Variants in PCDH15 observed in about 807,000 individuals in gnomAD.
PCDH15 encodes protocadherin-15.
PCDH15 carries 129 observed loss-of-function variants against 178.5 expected under a neutral mutation model. The observed-to-expected ratio is 0.72, with a 90% CI of 0.63 to 0.84. The LOEUF is 0.84. Among genes scored for constraint, PCDH15 ranks in the 40% least tolerant of loss-of-function variants. The pLI is 0.00. For synonymous variants in PCDH15, 800 were observed against 732.0 expected (o/e 1.09, Z -1.50); for missense variants, 2,230 against 2,099.9 (o/e 1.06, Z -1.21).
At chr10:55,157,050 G>A (rs1838908741) in intron 2 of PCDH15, among the ~76,000 whole-genome samples, 1 of 152,082 alleles carries the variant, frequency 6.6e-6, no homozygotes, top group African/African-American at 2.4e-5. Context: ...TATTCTGTGT[G>A]ACAATTTTAG....
At chr10:54,104,845 CAAAAA>C (rs56195842) in intron 15 of PCDH15, among the ~76,000 whole-genome samples, 1 of 48,634 alleles carries the variant, frequency 2.1e-5, no homozygotes, top group Admixed American at 2.6e-4. Context: ...TCAACAACAA[CAAAAA>C]AAAAAAAAAA....
At chr10:54,916,346 T>C (rs1274317781) in intron 2 of PCDH15, among the ~76,000 whole-genome samples, 3 of 152,172 alleles carry the variant, frequency 2.0e-5, no homozygotes, top group Non-Finnish European at 2.9e-5. Flanking sequence ...TTTGACACTA[T>C]CAGCTTTCTC....
At chr10:54,391,904 C>G (rs1950586589) in intron 3 of PCDH15, among the ~76,000 whole-genome samples, 1 of 152,096 alleles carries the variant, frequency 6.6e-6, no homozygotes, top group Non-Finnish European at 1.5e-5. Context: ...TCTCAATCAA[C>G]AATGGGATAT....
chr10:55,261,649 G>T (rs1842147279), intron 1 of PCDH15, among the ~76,000 whole-genome samples: 1 of 152,000 alleles, frequency 6.6e-6, no homozygotes, highest in Non-Finnish European at 1.5e-5. Flanking sequence ...TTGATCTCCC[G>T]AGAATCATTC....
At chr10:54,630,781 C>T (rs1054544795) in intron 2 of PCDH15, among the ~76,000 whole-genome samples, 1 of 151,962 alleles carries the variant, frequency 6.6e-6, no homozygotes, top group East Asian at 1.9e-4. Flanking sequence ...ATATCCGGAG[C>T]CTCTAAGGAA....
chr10:55,290,774 A>G (rs1172239751), intron 1 of PCDH15, among the ~76,000 whole-genome samples: 1 of 152,140 alleles, frequency 6.6e-6, no homozygotes, highest in Non-Finnish European at 1.5e-5. Context: ...AGAATTAGCC[A>G]TGGAAATGAA....
chr10:55,499,473 C>G (rs904098767), intron 2 of PCDH15, among the ~76,000 whole-genome samples: 2 of 150,356 alleles, frequency 1.3e-5, no homozygotes, highest in Admixed American at 1.3e-4. Flanking sequence ...GCATCTCTCA[C>G]CATGTCTCAT....
At chr10:54,539,754 AAAG>A (rs1349156075) in intron 2 of PCDH15, among the ~76,000 whole-genome samples, 1 of 152,204 alleles carries the variant, frequency 6.6e-6, no homozygotes, top group East Asian at 1.9e-4. Flanking sequence ...AAAAAATCCA[AAAG>A]AAGGTCTTTC....
chr10:54,674,195 T>A (rs2094736474), intron 1 of PCDH15, among the ~76,000 whole-genome samples: 1 of 152,208 alleles, frequency 6.6e-6, no homozygotes, highest in South Asian at 2.1e-4. Flanking sequence ...TGCAACTGTT[T>A]CATTTACAAT....
intron 9 of PCDH15, among the ~76,000 whole-genome samples, chr10:54,230,526 T>C (rs2053947156): frequency 6.6e-6 from 1 of 152,132 alleles, no homozygotes; most frequent in Non-Finnish European, 1.5e-5. Flanking sequence ...CTCAATGTGA[T>C]ATATGCATTG....
chr10:54,260,381 T>G (rs913050585), intron 8 of PCDH15, among the ~76,000 whole-genome samples: 1 of 122,072 alleles, frequency 8.2e-6, no homozygotes, highest in Non-Finnish European at 1.8e-5. Context: ...GCATTCTTAT[T>G]AACTATGCTA....
intron 5 of PCDH15, among the ~76,000 whole-genome samples, chr10:54,359,077 G>A (rs1945552738): frequency 6.6e-6 from 1 of 151,090 alleles, no homozygotes; most frequent in Admixed American, 6.6e-5. Context: ...GAGTTAATGG[G>A]TGCAGCACAC....
intron 2 of PCDH15, among the ~76,000 whole-genome samples, chr10:55,577,770 A>T (rs1295094472): frequency 3.3e-5 from 5 of 152,234 alleles, no homozygotes; most frequent in African/African-American, 1.2e-4. Context: ...CCTATGGCTA[A>T]CAGCATTCTT....
chr10:55,259,261 A>C (rs1842088634), intron 1 of PCDH15, among the ~76,000 whole-genome samples: 1 of 152,200 alleles, frequency 6.6e-6, no homozygotes, highest in Non-Finnish European at 1.5e-5. Flanking sequence ...GAGATACATA[A>C]ACATATAAAA....
intron 26 of PCDH15, among the ~76,000 whole-genome samples, chr10:53,877,013 T>C (rs971395904): frequency 1.9e-4 from 29 of 152,044 alleles, no homozygotes; most frequent in African/African-American, 6.8e-4. Context: ...ATTTAGAAAA[T>C]TAAAGAAAGA....
intron 2 of PCDH15, among the ~76,000 whole-genome samples, chr10:54,965,455 C>T (rs1838760356): frequency 6.6e-6 from 1 of 152,040 alleles, no homozygotes; most frequent in Admixed American, 6.6e-5. Flanking sequence ...CTTTGCTCCT[C>T]CTTGACCTTC....
chr10:55,271,721 G>C (rs1463477501), intron 1 of PCDH15, among the ~76,000 whole-genome samples: 1 of 152,004 alleles, frequency 6.6e-6, no homozygotes, highest in Non-Finnish European at 1.5e-5. Context: ...TGTGGTACTA[G>C]GTCTTGGTAC....
intron 3 of PCDH15, among the ~76,000 whole-genome samples, chr10:54,822,349 A>T (rs984966419): frequency 2.0e-5 from 3 of 151,952 alleles, no homozygotes; most frequent in Non-Finnish European, 4.4e-5. Flanking sequence ...CATGAGGTCA[A>T]TTTTTTTAGC....
chr10:54,865,825 G>T (rs1953929530), intron 3 of PCDH15, among the ~76,000 whole-genome samples: 1 of 152,256 alleles, frequency 6.6e-6, no homozygotes, highest in Non-Finnish European at 1.5e-5. Context: ...AATGTTTGGA[G>T]AACTTAGCTT....
Sources: gnomAD v4.1 joint callset for allele counts (sites outside exome capture counted in the v4.1 genomes callset) on GRCh38, gnomAD v4.1.1 for gene constraint, MANE v1.5 for transcripts, NCBI Gene and HGNC (gene_info 2026-07-23, HGNC 2026-07-21) for gene names.